The following IL1RN variants were observed in gnomAD, a reference collection of about 807,000 sequenced individuals.
IL1RN encodes interleukin 1 receptor antagonist.
A neutral mutation model predicts 13.7 loss-of-function variants in IL1RN; 10 were observed. The observed-to-expected ratio is 0.73, with a 90% CI of 0.45 to 1.24. IL1RN has a LOEUF of 1.24. IL1RN is among the 50% of genes most tolerant of loss of function. The pLI, the probability that IL1RN is intolerant of heterozygous loss-of-function variation, is 0.00. For synonymous variants in IL1RN, 102 were observed against 82.7 expected, an observed-to-expected ratio of 1.23 and a Z score of -1.27; for missense variants, 213 against 222.1, an observed-to-expected ratio of 0.96 and a Z score of 0.26.
intron 3 of IL1RN, among the ~76,000 whole-genome samples, chr2:113,131,382 C>T (rs571721896): frequency 4.5e-4 from 69 of 152,218 alleles, no homozygotes; most frequent in Non-Finnish European, 9.0e-4. Flanking sequence ...TCCATGTGAT[C>T]TCTCAGTGTT....
At chr2:113,109,417 A>AAAG (rs1686453430), upstream of IL1RN, among the ~76,000 whole-genome samples, 1 of 151,852 alleles carries the variant, frequency 6.6e-6, no homozygotes, top group South Asian at 2.1e-4. Context: ...CATCTAAAAA[A>AAAG]AAAAAAAAAA....
upstream of IL1RN, among the ~76,000 whole-genome samples, chr2:113,124,951 A>G (rs1433098674): frequency 6.6e-6 from 1 of 152,192 alleles, no homozygotes; most frequent in East Asian, 1.9e-4. Flanking sequence ...TACTCTCTGA[A>G]TTCAGACTGG....
chr2:113,122,707 T>G (rs1686817433), upstream of IL1RN, among the ~76,000 whole-genome samples: 1 of 152,204 alleles, frequency 6.6e-6, no homozygotes, highest in Admixed American at 6.5e-5. Flanking sequence ...AGTTTCCAGC[T>G]CATCGGGCTG....
At chr2:113,123,101 G>A (rs751193529), upstream of IL1RN, among the ~76,000 whole-genome samples, 24 of 151,966 alleles carry the variant, frequency 1.6e-4, no homozygotes, top group Non-Finnish European at 3.4e-4. Flanking sequence ...CTCCAGCCTG[G>A]GCAACAAGAG....
upstream of IL1RN, among the ~76,000 whole-genome samples, chr2:113,123,369 G>A (rs892792531): frequency 6.6e-6 from 1 of 152,182 alleles, no homozygotes; most frequent in Non-Finnish European, 1.5e-5. Flanking sequence ...CTTCAGCTGA[G>A]TTTTTGAGCA....
At chr2:113,119,199 A>C (rs532946845) in intron 1 of IL1RN, among the ~76,000 whole-genome samples, 3 of 152,318 alleles carry the variant, frequency 2.0e-5, no homozygotes, top group Admixed American at 2.0e-4. Flanking sequence ...GCACAGTGGA[A>C]GTGTCAGCTC....
chr2:113,121,456 T>C lies in IL1RN; in HGVS notation c.73+1328T>C, dbSNP rs534997454. ...TTTCCTCCTGTCTGCAGGGGGATTA[T>C]AAAACTAATCATCAAAGCCAAGAAG... On this transcript the variant is annotated intron_variant, in intron 2 of 5. Transcript: ENST00000259206. 45 of 985,394 alleles carry C rather than the reference T, an allele frequency of 4.6e-5. No homozygotes were observed. In the East Asian group the frequency reaches 4.3e-3, roughly 94 times the overall value. 61.0% of individuals were successfully genotyped at this position (985,394 alleles called of 1,614,324 possible).
At chr2:113,115,919 C>A (rs1456924775), upstream of IL1RN, among the ~76,000 whole-genome samples, 2 of 152,190 alleles carry the variant, frequency 1.3e-5, no homozygotes, top group African/African-American at 4.8e-5. Context: ...GACTGGAAGC[C>A]TAGTTTTCTC....
chr2:113,121,044 C>A (rs1241667440), intron 2 of IL1RN, among the ~76,000 whole-genome samples: 1 of 134,624 alleles, frequency 7.4e-6, no homozygotes, highest in African/African-American at 2.8e-5. Flanking sequence ...TCTTCTTCTT[C>A]CTCTTCTTCT....
At chr2:113,105,722 C>T (rs1433833107), upstream of IL1RN, among the ~76,000 whole-genome samples, 5 of 152,224 alleles carry the variant, frequency 3.3e-5, no homozygotes, top group Non-Finnish European at 5.9e-5. Context: ...GCATTTCAAA[C>T]AACTGTATAA....
upstream of IL1RN, among the ~76,000 whole-genome samples, chr2:113,113,901 C>T (rs184559637): frequency 6.6e-6 from 1 of 152,308 alleles, no homozygotes; most frequent in Admixed American, 6.5e-5. Context: ...TGCACCATGC[C>T]AATGTAGTCA....
rs1687015506 is a variant in IL1RN, at chr2:113,127,760, G to A, written c.116+20G>A. The A allele has an allele frequency of 6.2e-7, 1 of 1,611,918 alleles. No homozygotes were observed. The highest frequency in any genetic ancestry group is 1.3e-5 in the African/African-American group (1 of 74,890). ...CTTCAGGTAAGGCTACCCCAAGGAG[G>A]AGAAGGTGAGGGTGGATCAGCTGGA... is the stretch of plus-strand genomic sequence containing the variant. On this transcript the variant is annotated intron_variant, in intron 1 of 3. Transcript: ENST00000409930.
chr2:113,102,946 T>A (rs1686336904), upstream of IL1RN, among the ~76,000 whole-genome samples: 1 of 152,240 alleles, frequency 6.6e-6, no homozygotes, highest in East Asian at 1.9e-4. Flanking sequence ...TAGCTTGGGC[T>A]CAGAGGCCTG....
At chr2:113,132,356 G>C (rs187656445) in intron 3 of IL1RN, among the ~76,000 whole-genome samples, 3 of 152,354 alleles carry the variant, frequency 2.0e-5, no homozygotes, top group African/African-American at 7.2e-5. Context: ...GCTGAGGCAG[G>C]AGAATCGCTT....
upstream of IL1RN, among the ~76,000 whole-genome samples, chr2:113,127,066 GAAA>G (rs1686986567): frequency 6.6e-6 from 1 of 152,182 alleles, no homozygotes; most frequent in African/African-American, 2.4e-5. Flanking sequence ...GTCCTTTTGT[GAAA>G]CAGACAGCTG....
upstream of IL1RN, among the ~76,000 whole-genome samples, chr2:113,124,638 T>C (rs1233801417): frequency 6.6e-6 from 1 of 152,030 alleles, no homozygotes; most frequent in Non-Finnish European, 1.5e-5. Context: ...AGTGCCAGGG[T>C]CAGGGCATGA....
upstream of IL1RN, among the ~76,000 whole-genome samples, chr2:113,116,491 C>T (rs962934135): frequency 2.7e-5 from 4 of 150,588 alleles, no homozygotes; most frequent in African/African-American, 7.3e-5. Flanking sequence ...AGCACCCAGG[C>T]GGGGCGGGGG....
upstream of IL1RN, among the ~76,000 whole-genome samples, chr2:113,103,962 G>A (rs1325521840): frequency 6.6e-6 from 1 of 150,642 alleles, no homozygotes; most frequent in Non-Finnish European, 1.5e-5. Flanking sequence ...CTTTCACCAA[G>A]TTATTTTATT....
chr2:113,104,540 C>T (rs114970061), upstream of IL1RN, among the ~76,000 whole-genome samples: 1,752 of 152,236 alleles, frequency 0.012, 9 homozygotes, highest in Non-Finnish European at 0.017. Flanking sequence ...TCCCAGGAGA[C>T]GGAAAAGTAA....
Sources: allele counts gnomAD v4.1 joint callset (sites outside exome capture counted in the v4.1 genomes callset), GRCh38; gene constraint gnomAD v4.1.1; transcripts MANE v1.5; gene names NCBI Gene and HGNC (gene_info 2026-07-23, HGNC 2026-07-21).